Variants in ZFHX3 observed in about 807,000 individuals in gnomAD.
ZFHX3 encodes zinc finger homeobox protein 3.
A neutral mutation model predicts 279.1 loss-of-function variants in ZFHX3; 42 were observed. The ratio of observed to expected loss-of-function variants is 0.15; its 90% CI spans 0.12 to 0.19. ZFHX3 has a LOEUF of 0.19. Ranked by LOEUF, ZFHX3 falls within the 10% of genes least tolerant of loss-of-function variation. ZFHX3 has a pLI of 1.00. For missense variants in ZFHX3, 4,981 were observed against 4,754.0 expected (o/e 1.05, Z -1.40); for synonymous variants, 2,293 against 1,957.8 (o/e 1.17, Z -4.52).
intron 4 of ZFHX3, among the ~76,000 whole-genome samples, chr16:73,318,067 T>C (rs1301466020): frequency 6.6e-6 from 1 of 152,224 alleles, no homozygotes. Flanking sequence ...GAAGTGCACA[T>C]TAGTCCTGGT....
At chr16:73,320,740 T>C (rs2015558895) in intron 3 of ZFHX3, among the ~76,000 whole-genome samples, 1 of 152,308 alleles carries the variant, frequency 6.6e-6, no homozygotes, top group African/African-American at 2.4e-5. Context: ...CTGTGGGATG[T>C]CTGAGGCCCC....
Position 72,788,610 on chromosome 16 carries a change from T to C in ZFHX3, c.9666A>G (p.Pro3222=). The C allele has an allele frequency of 6.2e-7, 1 of 1,613,282 alleles. No individual in the cohort carries two copies. The highest frequency in any genetic ancestry group is 2.2e-5 in the East Asian group (1 of 44,580). Residue 3222 remains proline (P), a synonymous_variant, in exon 10 of 10, where the codon CCA becomes CCG. Coordinates refer to ENST00000268489, the MANE Select transcript of ZFHX3 (RefSeq NM_006885.4). ...PPPAAQPPPT[P]QLPLQQQQQR... ...GCTGCTGCTGTTGCAGTGGGAGCTGTGGTGTGGGTGGCGGCTGGGCTGCTG... is the reference window on the plus strand; with the variant it reads ...GCTGCTGCTGTTGCAGTGGGAGCTGCGGTGTGGGTGGCGGCTGGGCTGCTG...
Position 73,416,732 on chromosome 16 carries a change from GGT to G in ZFHX3, c.-1291+39269_-1291+39270del, listed in dbSNP as rs1276816944. ...TACTAAAAATACAAAAAATTAGCCG[GGT>G]GCGGTGGCGGGCGCCTGTAGTCCCA... On this transcript the variant is annotated intron_variant, in intron 3 of 17. Coordinates refer to the ZFHX3 transcript ENST00000641206. Among the ~76,000 whole-genome samples the G allele has an allele frequency of 5.1e-4, 76 of 150,258 alleles. 1 individual carries two copies. The highest frequency in any genetic ancestry group is 1.9e-3 in the East Asian group (10 of 5,146).
intron 1 of ZFHX3, among the ~76,000 whole-genome samples, chr16:73,046,127 AG>A (rs1486375196): frequency 6.6e-6 from 1 of 152,186 alleles, no homozygotes; most frequent in Non-Finnish European, 1.5e-5. Context: ...ACTCTCTGAA[AG>A]GGTGCCTGCA....
intron 2 of ZFHX3, among the ~76,000 whole-genome samples, chr16:73,471,963 G>A (rs1413868559): frequency 6.6e-6 from 1 of 152,014 alleles, no homozygotes; most frequent in African/African-American, 2.4e-5. Flanking sequence ...TCCTGACAAG[G>A]TGATGCTCAA....
At chr16:72,869,787 A>G (rs2038110336) in intron 4 of ZFHX3, among the ~76,000 whole-genome samples, 1 of 152,236 alleles carries the variant, frequency 6.6e-6, no homozygotes, top group Non-Finnish European at 1.5e-5. Context: ...ATCTCCAAGC[A>G]TATCCTCACT....
chr16:73,675,786 T>C (rs911353138), intron 2 of ZFHX3, among the ~76,000 whole-genome samples: 1 of 151,874 alleles, frequency 6.6e-6, no homozygotes, highest in Admixed American at 6.6e-5. Context: ...CTCACAAATA[T>C]CTAGGCATAG....
chr16:72,874,198 ATTTTTTTTTTTTT>A (rs565664402), intron 4 of ZFHX3, among the ~76,000 whole-genome samples: 4 of 95,136 alleles, frequency 4.2e-5, no homozygotes, highest in South Asian at 3.8e-4. Context: ...GGATTTTTTG[ATTTTTTTTTTTTT>A]TTTTTTTTTT....
At chr16:73,075,689 A>G (rs1439743928) in intron 8 of ZFHX3, among the ~76,000 whole-genome samples, 3 of 151,416 alleles carry the variant, frequency 2.0e-5, no homozygotes, top group Non-Finnish European at 2.9e-5. Flanking sequence ...GCTGGAGTTC[A>G]GTGGTGCAAT....
At chr16:73,116,412 A>G (rs1966434150) in intron 7 of ZFHX3, among the ~76,000 whole-genome samples, 1 of 152,142 alleles carries the variant, frequency 6.6e-6, no homozygotes, top group Admixed American at 6.5e-5. Context: ...GAGAGTTTGA[A>G]CCAGAAATGT....
intron 1 of ZFHX3, among the ~76,000 whole-genome samples, chr16:73,693,516 G>C (rs1204700197): frequency 1.3e-5 from 2 of 151,876 alleles, no homozygotes; most frequent in African/African-American, 4.8e-5. Context: ...AGGCAAGAAA[G>C]TGACAAGTGA....
At chr16:73,697,532 G>A (rs2053208775) in intron 1 of ZFHX3, among the ~76,000 whole-genome samples, 1 of 152,088 alleles carries the variant, frequency 6.6e-6, no homozygotes, top group Admixed American at 6.6e-5. Context: ...TGAAATTCAA[G>A]GTGAGTCATC....
chr16:72,840,490 G>C (rs1051585982), intron 4 of ZFHX3, among the ~76,000 whole-genome samples: 1 of 152,160 alleles, frequency 6.6e-6, no homozygotes, highest in African/African-American at 2.4e-5. Flanking sequence ...GGACTATTTG[G>C]GGCAAAGAGA....
chr16:73,618,491 T>A (rs2052327001), intron 2 of ZFHX3, among the ~76,000 whole-genome samples: 1 of 152,222 alleles, frequency 6.6e-6, no homozygotes, highest in Non-Finnish European at 1.5e-5. Context: ...TTTCAGTAAC[T>A]TATCCAAGTT....
chr16:73,393,297 G>A (rs932062170), intron 3 of ZFHX3, among the ~76,000 whole-genome samples: 40 of 152,142 alleles, frequency 2.6e-4, no homozygotes, highest in African/African-American at 8.9e-4. Flanking sequence ...TCAGTATGTT[G>A]CTTGTCAGTA....
At chr16:73,204,855 C>T (rs1014879598) in intron 5 of ZFHX3, among the ~76,000 whole-genome samples, 1 of 152,202 alleles carries the variant, frequency 6.6e-6, no homozygotes, top group African/African-American at 2.4e-5. Flanking sequence ...GTTGAAAGTG[C>T]TACAAAAGGA....
At chr16:72,978,600 A>G (rs557286921) in intron 1 of ZFHX3, among the ~76,000 whole-genome samples, 226 of 152,280 alleles carry the variant, frequency 1.5e-3, no homozygotes, top group Non-Finnish European at 2.2e-3. Flanking sequence ...GACCAGCGCC[A>G]CGCTGCTGGC....
At chr16:72,878,586 T>G (rs2038379256) in intron 4 of ZFHX3, among the ~76,000 whole-genome samples, 1 of 152,238 alleles carries the variant, frequency 6.6e-6, no homozygotes, top group Non-Finnish European at 1.5e-5. Flanking sequence ...CTGCTGCTGC[T>G]TTGCTCACCG....
At chr16:72,921,403 C>T (rs572127696) in intron 3 of ZFHX3, among the ~76,000 whole-genome samples, 4 of 152,308 alleles carry the variant, frequency 2.6e-5, no homozygotes, top group Admixed American at 6.5e-5. Context: ...ACACGACTAT[C>T]GCTCAGCATG....
Sources: gnomAD v4.1 joint callset for allele counts (sites outside exome capture counted in the v4.1 genomes callset) on GRCh38, gnomAD v4.1.1 for gene constraint, MANE v1.5 for transcripts, NCBI Gene and HGNC (gene_info 2026-07-23, HGNC 2026-07-21) for gene names.